The following BCHE variants were observed in gnomAD, a reference collection of about 807,000 sequenced individuals.
The protein encoded by BCHE is butyrylcholinesterase, also known as cholinesterase.
BCHE carries 48 observed loss-of-function variants against 51.3 expected under a neutral mutation model. The ratio of observed to expected loss-of-function variants is 0.94; its 90% CI spans 0.74 to 1.19. The LOEUF (loss-of-function observed/expected upper bound fraction) is 1.19, where lower values mean the gene tolerates loss of function less well. Among genes scored for constraint, BCHE ranks in the 50% most tolerant of loss-of-function variants. The pLI is 0.00. For missense variants in BCHE, 847 were observed against 708.2 expected (o/e 1.20, Z -2.23); for synonymous variants, 251 against 238.0 (o/e 1.05, Z -0.50).
chr3:165,818,467 C>G lies in BCHE; in HGVS notation c.1517+11050G>C, dbSNP rs180751326. The stretch of plus-strand genomic sequence containing the variant: ...CAAGACATGCAGGTGGAAAAATTAA[C>G]CCACAAAAATTAAAAATTAAAAAAT... On this transcript the variant is annotated intron_variant, in intron 2 of 3. Transcript: ENST00000264381. Among the ~76,000 whole-genome samples the G allele has an allele frequency of 7.2e-5, 11 of 152,040 alleles. No individual in the cohort carries two copies. In the East Asian group the frequency reaches 2.1e-3, roughly 29 times the overall value.
intron 2 of BCHE, among the ~76,000 whole-genome samples, chr3:165,810,363 C>T (rs1714047371): frequency 6.6e-6 from 1 of 152,138 alleles, no homozygotes; most frequent in African/African-American, 2.4e-5. Context: ...TCTCAATAGA[C>T]ATTACATATG....
chr3:165,793,170 T>A lies in BCHE; in HGVS notation c.1518-6859A>T, dbSNP rs146780373. 2.9e-3 allele frequency among the ~76,000 whole-genome samples: 441 copies of A among 152,326 alleles called. 4 individuals are homozygous for A. Among genetic ancestry groups the A allele is most frequent in the African/African-American group, 0.01 (421 of 41,578 alleles). The stretch of plus-strand genomic sequence containing the variant: ...AATTTTATGGCTTTAGGTCTTAAGC[T>A]TTTTAATGTAATGTTCTCCCAGCTA... On this transcript the variant is annotated intron_variant, in intron 2 of 3. Coordinates refer to ENST00000264381, the MANE Select transcript of BCHE (RefSeq NM_000055.4).
intron 2 of BCHE, among the ~76,000 whole-genome samples, chr3:165,803,162 A>T (rs1294495247): frequency 6.6e-6 from 1 of 152,218 alleles, no homozygotes; most frequent in Admixed American, 6.5e-5. Flanking sequence ...ATAATTAATC[A>T]TATATTCAAA....
At chr3:165,781,114 G>GC (rs1316038417) in intron 3 of BCHE, among the ~76,000 whole-genome samples, 1 of 152,006 alleles carries the variant, frequency 6.6e-6, no homozygotes, top group Non-Finnish European at 1.5e-5. Flanking sequence ...GGTGGCATAT[G>GC]CTTGTAATCC....
intron 2 of BCHE, among the ~76,000 whole-genome samples, chr3:165,791,347 T>A (rs949668620): frequency 2.0e-5 from 3 of 152,040 alleles, no homozygotes; most frequent in Non-Finnish European, 2.9e-5. Context: ...GTTTAAAAGA[T>A]CATCTGTCTG....
At position 165,773,473 on chromosome 3, in the gene BCHE, G is replaced by C. The variant is rs1712337448; in HGVS notation, c.1718C>G (p.Ala573Gly). 1 of 1,608,360 alleles carries C rather than the reference G, an allele frequency of 6.2e-7. No homozygotes were observed. The highest frequency in any genetic ancestry group is 8.5e-7 in the Non-Finnish European group (1 of 1,175,192). Reference protein sequence around the residue: ...NIDEAEWEWKAGFHRWNNYMM... With the variant: ...NIDEAEWEWKGGFHRWNNYMM... The stretch of plus-strand genomic sequence containing the variant: ...GTAATTGTTCCAGCGATGGAATCCT[G>C]CTTTCCACTCCCATTCTGCTTCATC... Residue 573 changes from alanine to glycine, a missense_variant, in exon 4 of 4, where the codon GCA becomes GGA. By Grantham distance (60) the Ala-to-Gly change is moderately conservative (BLOSUM62 0). Transcript: ENST00000264381.
intron 3 of BCHE, among the ~76,000 whole-genome samples, chr3:165,784,637 T>TA (rs1208366708): frequency 6.6e-6 from 1 of 151,864 alleles, no homozygotes; most frequent in African/African-American, 2.4e-5. Context: ...TTCTGGCAGG[T>TA]AAGTATTTGG....
intron 2 of BCHE, among the ~76,000 whole-genome samples, chr3:165,799,223 A>G (rs547749845): frequency 6.6e-6 from 1 of 152,240 alleles, no homozygotes; most frequent in African/African-American, 2.4e-5. Context: ...TCCAAATGGC[A>G]CAGATTTCAA....
At chr3:165,825,958 A>C (rs1035174664) in intron 2 of BCHE, among the ~76,000 whole-genome samples, 1 of 152,156 alleles carries the variant, frequency 6.6e-6, no homozygotes, top group Admixed American at 6.6e-5. Flanking sequence ...TGTCATTACA[A>C]AGCCAGAAGA....
At position 165,786,319 on chromosome 3, in the gene BCHE, A is replaced by G; in HGVS notation, c.1518-8T>C. 1 of 1,605,392 alleles carries G rather than the reference A, an allele frequency of 6.2e-7. No individual in the cohort carries two copies. Among genetic ancestry groups the G allele is most frequent in the East Asian group, 2.2e-5 (1 of 44,608 alleles). On this transcript the variant is annotated splice_region_variant and splice_polypyrimidine_tract_variant and intron_variant, in intron 2 of 3. Transcript: ENST00000264381. ...TGAGTCTCATTTGGATTCCTAAATA[A>G]TAAAATAGAGACATTATAGTAAAAT...
intron 2 of BCHE, among the ~76,000 whole-genome samples, chr3:165,817,801 T>C (rs1369484189): frequency 6.6e-6 from 1 of 152,038 alleles, no homozygotes; most frequent in Non-Finnish European, 1.5e-5. Flanking sequence ...TCAAGCATTA[T>C]TGAGGTAATA....
In BCHE at chr3:165,790,238, A is replaced by G. The variant is rs989517475; in HGVS notation, c.1518-3927T>C. ...AAGATTGATTTTAACCATGCGAACA[A>G]TGATTCAATCGATCATGCCTAAATA... On this transcript the variant is annotated intron_variant, in intron 2 of 3. Coordinates refer to ENST00000264381, the MANE Select transcript of BCHE (RefSeq NM_000055.4). Among the ~76,000 whole-genome samples the G allele has an allele frequency of 1.1e-4, 17 of 152,166 alleles. 1 individual carries two copies. The highest frequency in any genetic ancestry group is 1.0e-3 in the Admixed American group (16 of 15,264).
At chr3:165,782,473 T>A (rs537138103) in intron 3 of BCHE, among the ~76,000 whole-genome samples, 29 of 139,044 alleles carry the variant, frequency 2.1e-4, no homozygotes, top group African/African-American at 7.7e-4. Flanking sequence ...GATCTTTGTT[T>A]TGCATGTATT....
At chr3:165,835,089 G>A (rs917232962) in intron 1 of BCHE, among the ~76,000 whole-genome samples, 7 of 151,746 alleles carry the variant, frequency 4.6e-5, no homozygotes, top group African/African-American at 1.7e-4. Context: ...AGGAATTTGA[G>A]TTTTTGAGGA....
rs563767343 is a variant in BCHE, at chr3:165,781,918, A to G, written c.1684+4227T>C. Among the ~76,000 whole-genome samples, 160 of 152,284 alleles carry G rather than the reference A, an allele frequency of 1.1e-3. 3 individuals carry two copies. Among genetic ancestry groups the G allele is most frequent in the East Asian group, 2.3e-3 (12 of 5,186 alleles). On this transcript the variant is annotated intron_variant, in intron 3 of 3. Transcript: ENST00000264381. The stretch of plus-strand genomic sequence containing the variant: ...CCTAATGGATGAATGATAAACACAC[A>G]CAGAAAATGTGAATTTGTATGATAC...
chr3:165,803,616 C>A (rs2108215934), intron 2 of BCHE, among the ~76,000 whole-genome samples: 1 of 152,106 alleles, frequency 6.6e-6, no homozygotes, highest in South Asian at 2.1e-4. Flanking sequence ...AAAGAGAATT[C>A]TGGTTTGGTT....
At chr3:165,815,489 C>G (rs2108224902) in intron 2 of BCHE, among the ~76,000 whole-genome samples, 1 of 152,190 alleles carries the variant, frequency 6.6e-6, no homozygotes, top group South Asian at 2.1e-4. Flanking sequence ...GATGATACTT[C>G]TTTAGAGAAT....
chr3:165,831,929 T>C (rs1375085633), intron 1 of BCHE, among the ~76,000 whole-genome samples: 1 of 152,162 alleles, frequency 6.6e-6, no homozygotes, highest in Non-Finnish European at 1.5e-5. Context: ...TTCATATTTG[T>C]TATAGCAATT....
intron 2 of BCHE, among the ~76,000 whole-genome samples, chr3:165,797,301 CTCCCCCCCTTCCTTCCT>C: frequency 2.2e-4 from 1 of 4,572 alleles, no homozygotes. Flanking sequence ...TCCTCCCTCC[CTCCCCCCCTTCCTTCCT>C]TCCTTCCTTC....
Sources: gnomAD v4.1 joint callset for allele counts (sites outside exome capture counted in the v4.1 genomes callset) on GRCh38, gnomAD v4.1.1 for gene constraint, MANE v1.5 for transcripts, NCBI Gene and HGNC (gene_info 2026-07-23, HGNC 2026-07-21) for gene names.